Variants in ERBB4 observed in about 807,000 individuals in gnomAD.
ERBB4 encodes receptor tyrosine-protein kinase erbB-4.
A neutral mutation model predicts 158.0 loss-of-function variants in ERBB4; 42 were observed. The observed-to-expected ratio is 0.27, with a 90% confidence interval of 0.21 to 0.34. The LOEUF is 0.34. Among genes scored for constraint, ERBB4 ranks in the 10% least tolerant of loss-of-function variants. The pLI, the probability that ERBB4 is intolerant of heterozygous loss-of-function variation, is 1.00. For missense variants in ERBB4, 1,333 were observed against 1,624.1 expected (o/e 0.82, Z 3.08); for synonymous variants, 583 against 558.7 (o/e 1.04, Z -0.61).
intron 1 of ERBB4, among the ~76,000 whole-genome samples, chr2:212,356,302 C>T (rs1371449910): frequency 4.9e-5 from 7 of 142,960 alleles, no homozygotes; most frequent in African/African-American, 1.5e-4. Context: ...GCAGCAAGAC[C>T]TCATTAATCA....
chr2:211,450,683 A>G (rs1011416411), intron 20 of ERBB4, among the ~76,000 whole-genome samples: 1 of 152,216 alleles, frequency 6.6e-6, no homozygotes, highest in African/African-American at 2.4e-5. Context: ...TGTTTATATT[A>G]TTCAGGTTTC....
chr2:211,817,138 C>A (rs372803892), intron 3 of ERBB4, among the ~76,000 whole-genome samples: 2 of 152,130 alleles, frequency 1.3e-5, no homozygotes, highest in African/African-American at 2.4e-5. Flanking sequence ...CAAACAGTCA[C>A]GGGGGGATTT....
intron 2 of ERBB4, among the ~76,000 whole-genome samples, chr2:212,086,099 C>T (rs893251083): frequency 2.6e-5 from 4 of 151,878 alleles, no homozygotes; most frequent in African/African-American, 7.3e-5. Flanking sequence ...GACTCAACCT[C>T]CTTTTCTGAA....
intron 3 of ERBB4, among the ~76,000 whole-genome samples, chr2:211,837,305 A>C (rs1246821598): frequency 1.3e-5 from 2 of 152,090 alleles, no homozygotes; most frequent in African/African-American, 4.8e-5. Context: ...TCAATTCTAG[A>C]GGGAAAGGTT....
chr2:211,836,231 T>C (rs945047979), intron 3 of ERBB4, among the ~76,000 whole-genome samples: 5 of 152,044 alleles, frequency 3.3e-5, no homozygotes, highest in Non-Finnish European at 7.4e-5. Context: ...TTCAGATATA[T>C]AGACACACGG....
chr2:211,827,068 T>C (rs1480387299), intron 3 of ERBB4, among the ~76,000 whole-genome samples: 1 of 151,876 alleles, frequency 6.6e-6, no homozygotes. Flanking sequence ...AATCCAAAAT[T>C]TATTATGGAA....
intron 1 of ERBB4, among the ~76,000 whole-genome samples, chr2:212,493,220 T>C (rs1690375044): frequency 6.6e-6 from 1 of 151,480 alleles, no homozygotes; most frequent in Non-Finnish European, 1.5e-5. Flanking sequence ...TTTATAAATG[T>C]GTCGCTATGT....
chr2:212,258,244 G>T (rs1166172785), intron 1 of ERBB4, among the ~76,000 whole-genome samples: 4 of 151,654 alleles, frequency 2.6e-5, no homozygotes, highest in Non-Finnish European at 5.9e-5. Flanking sequence ...ATATTTTCAT[G>T]CATTTTATTT....
At chr2:212,044,464 C>G (rs1038265167) in intron 2 of ERBB4, among the ~76,000 whole-genome samples, 2 of 152,072 alleles carry the variant, frequency 1.3e-5, no homozygotes, top group Non-Finnish European at 2.9e-5. Context: ...CCTTTTGAAA[C>G]AGATTTCGTA....
intron 2 of ERBB4, among the ~76,000 whole-genome samples, chr2:212,122,219 C>A (rs1248713732): frequency 6.6e-6 from 1 of 151,752 alleles, no homozygotes; most frequent in Non-Finnish European, 1.5e-5. Flanking sequence ...TATTACATAT[C>A]TGTCATCCTC....
chr2:212,208,772 C>A (rs2082842555), intron 1 of ERBB4, among the ~76,000 whole-genome samples: 1 of 152,086 alleles, frequency 6.6e-6, no homozygotes, highest in Non-Finnish European at 1.5e-5. Context: ...CACTTCCAGC[C>A]TTAAATAGAC....
At chr2:212,233,577 C>T (rs1484523427) in intron 1 of ERBB4, among the ~76,000 whole-genome samples, 1 of 150,924 alleles carries the variant, frequency 6.6e-6, no homozygotes, top group Non-Finnish European at 1.5e-5. Context: ...GCCGATTAGA[C>T]AGATTTATCA....
At chr2:212,090,218 G>T (rs932547141) in intron 2 of ERBB4, among the ~76,000 whole-genome samples, 4 of 86,128 alleles carry the variant, frequency 4.6e-5, no homozygotes, top group Non-Finnish European at 1.1e-4. Context: ...GATAATTCCC[G>T]TCAAGGAACT....
At chr2:212,460,356 G>C (rs892020284) in intron 1 of ERBB4, among the ~76,000 whole-genome samples, 1 of 152,180 alleles carries the variant, frequency 6.6e-6, no homozygotes, top group African/African-American at 2.4e-5. Flanking sequence ...GCAGAGGTTG[G>C]AACAGTTTGG....
At chr2:211,872,506 TC>T (rs1197979361) in intron 3 of ERBB4, among the ~76,000 whole-genome samples, 1 of 152,172 alleles carries the variant, frequency 6.6e-6, no homozygotes, top group Non-Finnish European at 1.5e-5. Context: ...TAAAATCCCC[TC>T]AGTTTACAGA....
intron 1 of ERBB4, among the ~76,000 whole-genome samples, chr2:212,237,212 T>C (rs2083912719): frequency 1.3e-5 from 2 of 152,168 alleles, no homozygotes; most frequent in Non-Finnish European, 2.9e-5. Context: ...TCTTCGTGGA[T>C]TTATCTACCT....
chr2:212,055,594 A>G lies in ERBB4; in HGVS notation c.234+69158T>C, dbSNP rs545899562. On this transcript the variant is annotated intron_variant, in intron 2 of 27. Coordinates refer to ENST00000342788, the MANE Select transcript of ERBB4 (RefSeq NM_005235.3). The stretch of plus-strand genomic sequence containing the variant: ...CTGAGATGAAGCTTCCAGGGGAACA[A>G]TCAGGCAGCAACGTTTGCTGTTCAG... 5.9e-5 allele frequency among the ~76,000 whole-genome samples: 9 copies of G among 152,348 alleles called. No homozygotes were observed. The South Asian group carries it at 1.9e-3, about 32-fold the overall frequency.
chr2:211,560,045 C>T (rs1281471655), intron 20 of ERBB4, among the ~76,000 whole-genome samples: 2 of 152,044 alleles, frequency 1.3e-5, no homozygotes, highest in Admixed American at 6.5e-5. Flanking sequence ...GCAGCATGAA[C>T]CAAGAAGCCA....
rs909745208 is a variant in ERBB4 at position 212,228,839 on chromosome 2, T to C, written c.83-103936A>G. Among the ~76,000 whole-genome samples the C allele has an allele frequency of 7.9e-5, 12 of 152,202 alleles. 1 individual carries two copies. The highest frequency in any genetic ancestry group is 7.2e-4 in the Admixed American group (11 of 15,268). ...CATGCACCAAAGCTTCCAAATTGTT[T>C]ATTTTTTTTCTGTAAAGTTTAGAGT... On this transcript the variant is annotated intron_variant, in intron 1 of 27. Coordinates refer to ENST00000342788, the MANE Select transcript of ERBB4 (RefSeq NM_005235.3).
Sources: allele counts gnomAD v4.1 joint callset (sites outside exome capture counted in the v4.1 genomes callset), GRCh38; gene constraint gnomAD v4.1.1; transcripts MANE v1.5; gene names NCBI Gene and HGNC (gene_info 2026-07-23, HGNC 2026-07-21).